The following GOLT1A variants were observed in gnomAD, a reference collection of about 807,000 sequenced individuals.
GOLT1A encodes golgi transport 1A.
Under a neutral mutation model 16.1 loss-of-function variants are expected in GOLT1A, and 10 were observed. That is an observed-to-expected ratio of 0.62 (90% CI 0.38 to 1.05). The LOEUF (loss-of-function observed/expected upper bound fraction) is 1.05, where lower values mean the gene tolerates loss of function less well. GOLT1A is among the 50% of genes least tolerant of loss of function. The probability of loss-of-function intolerance (pLI) is 0.01; values close to 1 mark genes in which losing one functional copy is unlikely to be tolerated. For missense variants in GOLT1A, 137 were observed against 165.7 expected, an observed-to-expected ratio of 0.83 and a Z score of 0.95; for synonymous variants, 60 against 67.9, an observed-to-expected ratio of 0.88 and a Z score of 0.57.
At chr1:204,200,100 A>G (rs1228732310) in intron 3 of GOLT1A, among the ~76,000 whole-genome samples, 1 of 151,594 alleles carries the variant, frequency 6.6e-6, no homozygotes, top group Non-Finnish European at 1.5e-5. Context: ...GTCCCACTCC[A>G]CTTTCTAAGC....
chr1:204,206,556 T>C (rs530474478), intron 1 of GOLT1A, among the ~76,000 whole-genome samples: 2 of 152,368 alleles, frequency 1.3e-5, no homozygotes, highest in Non-Finnish European at 2.9e-5. Context: ...ACCCAAATGA[T>C]AAAAGTGTTT....
intron 1 of GOLT1A, among the ~76,000 whole-genome samples, 168 bp downstream of exon 1, chr1:204,213,714 G>A (rs1659173398): frequency 6.6e-6 from 1 of 152,176 alleles, no homozygotes; most frequent in South Asian, 2.1e-4. Context: ...GGAGGGTAGG[G>A]AGCCACACCC....
chr1:204,208,197 T>A (rs557247128), intron 1 of GOLT1A, among the ~76,000 whole-genome samples: 72 of 152,040 alleles, frequency 4.7e-4, no homozygotes, highest in Admixed American at 9.8e-4. Context: ...ACGGAAAAGA[T>A]ACTTGCACAT....
At chr1:204,213,709 G>T (rs1391246645) in intron 1 of GOLT1A, among the ~76,000 whole-genome samples, 173 bp downstream of exon 1, 2 of 152,180 alleles carry the variant, frequency 1.3e-5, no homozygotes, top group Non-Finnish European at 2.9e-5. Flanking sequence ...CCGCTGGAGG[G>T]TAGGGAGCCA....
chr1:204,203,835 T>G lies in GOLT1A; in HGVS notation c.26-848A>C, dbSNP rs529867775. Among the ~76,000 whole-genome samples, 4 of 151,926 alleles carry G rather than the reference T, an allele frequency of 2.6e-5. No individual in the cohort carries two copies. The South Asian group carries it at 8.4e-4, about 32-fold the overall frequency. On this transcript the variant is annotated intron_variant, in intron 1 of 4. Transcript: ENST00000308302. The stretch of plus-strand genomic sequence containing the variant: ...AGCCCCCATTCCCAAGGTTTGACAG[T>G]AAGCCCCCATTCCCAAGGTTTGTAA...
intron 3 of GOLT1A, among the ~76,000 whole-genome samples, 167 bp downstream of exon 3, chr1:204,201,466 A>T (rs1658960213): frequency 6.6e-6 from 1 of 152,130 alleles, no homozygotes; most frequent in Non-Finnish European, 1.5e-5. Flanking sequence ...GGATGGGCTA[A>T]TCCCTCCAAA....
At chr1:204,212,809 C>T (rs1292654588) in intron 1 of GOLT1A, among the ~76,000 whole-genome samples, 1 of 152,102 alleles carries the variant, frequency 6.6e-6, no homozygotes, top group African/African-American at 2.4e-5. Context: ...AGTGTCCTGA[C>T]CCCTCAGTGA....
At chr1:204,204,952 A>G (rs12091218) in intron 1 of GOLT1A, among the ~76,000 whole-genome samples, 37,763 of 152,152 alleles carry the variant, frequency 0.25, 6,642 homozygotes, top group African/African-American at 0.5. Context: ...CTTGTTAGCT[A>G]TGTGTATATC....
At chr1:204,199,138 G>A (rs559277204) in intron 4 of GOLT1A, 57 bp downstream of exon 4, 3 of 1,444,250 alleles carry the variant, frequency 2.1e-6, no homozygotes, top group East Asian at 2.4e-5. Context: ...TCCCCTCCGT[G>A]TGCTCCCCCT....
At chr1:204,212,234 C>G (rs1659147885) in intron 1 of GOLT1A, among the ~76,000 whole-genome samples, 1 of 152,174 alleles carries the variant, frequency 6.6e-6, no homozygotes, top group African/African-American at 2.4e-5. Flanking sequence ...CACCCTATGT[C>G]CAAACCGTCA....
rs751032089 is a variant in GOLT1A, at chr1:204,202,994, T to C, written c.26-7A>G. ...GTGATCCCCACACCAATCTCTGCAA[T>C]GGGCAAGGAGGTGGTGGAGGAAAGG... is the stretch of plus-strand genomic sequence containing the variant. On this transcript the variant is annotated splice_polypyrimidine_tract_variant and splice_region_variant and intron_variant, in intron 1 of 4. Coordinates refer to ENST00000308302, the MANE Select transcript of GOLT1A (RefSeq NM_198447.2). 3 of 1,612,726 alleles carry C rather than the reference T, an allele frequency of 1.9e-6. No homozygotes were observed. The East Asian group carries it at 6.7e-5, about 36-fold the overall frequency.
At chr1:204,210,266 G>A (rs534647407) in intron 1 of GOLT1A, among the ~76,000 whole-genome samples, 3 of 152,170 alleles carry the variant, frequency 2.0e-5, no homozygotes, top group Non-Finnish European at 4.4e-5. Flanking sequence ...ACACGTTCTT[G>A]ATTTTCTTCC....
At chr1:204,209,167 C>A (rs1322186186) in intron 1 of GOLT1A, among the ~76,000 whole-genome samples, 2 of 152,226 alleles carry the variant, frequency 1.3e-5, no homozygotes, top group African/African-American at 2.4e-5. Context: ...TTCCTCACGA[C>A]TAGCTTCAGG....
chr1:204,203,699 C>G (rs1021468821), intron 1 of GOLT1A, among the ~76,000 whole-genome samples: 1 of 151,876 alleles, frequency 6.6e-6, no homozygotes, highest in African/African-American at 2.4e-5. Context: ...ACCTTGCGGG[C>G]CCCCCACACA....
intron 1 of GOLT1A, among the ~76,000 whole-genome samples, chr1:204,211,378 A>C (rs1400064295): frequency 6.6e-6 from 1 of 152,092 alleles, no homozygotes; most frequent in Non-Finnish European, 1.5e-5. Flanking sequence ...CCATGCTCCA[A>C]CCACACTGTT....
Position 204,199,257 on chromosome 1 carries a change from C to T in GOLT1A, c.298G>A (p.Gly100Ser). 1 of 1,602,408 alleles carries T rather than the reference C, an allele frequency of 6.2e-7. No individual in the cohort carries two copies. Among genetic ancestry groups the T allele is most frequent in the South Asian group, 1.1e-5 (1 of 88,032 alleles). Reference sequence around the variant, plus strand: ...AAGCCGAAGGCGACAGGGAAAAAGCCCCTAGGAGCAGAGGGGAGAAGGGAG... The same window carrying T: ...AAGCCGAAGGCGACAGGGAAAAAGCTCCTAGGAGCAGAGGGGAGAAGGGAG... Reference protein sequence around the residue: ...ETYGFFSLFKGFFPVAFGFLG... With the variant: ...ETYGFFSLFKSFFPVAFGFLG... The change falls in exon 4 of 5, where the codon GGC (glycine) becomes AGC (serine). Residue 100 changes from glycine (G) to serine (S), a missense_variant and splice_region_variant. By Grantham distance (56) the Gly-to-Ser change is moderately conservative. Coordinates refer to ENST00000308302, the MANE Select transcript of GOLT1A (RefSeq NM_198447.2).
intron 1 of GOLT1A, among the ~76,000 whole-genome samples, chr1:204,203,695 C>T (rs1418925256): frequency 5.1e-4 from 77 of 152,208 alleles, no homozygotes; most frequent in Admixed American, 5.0e-3. Context: ...AGGCACCTTG[C>T]GGGCCCCCCA....
chr1:204,201,556 G>A, intron 3 of GOLT1A, 77 bp downstream of exon 3: 4 of 1,434,028 alleles, frequency 2.8e-6, no homozygotes, highest in Non-Finnish European at 3.8e-6. Flanking sequence ...CCCAGCTTCT[G>A]CACTCCCTGC....
chr1:204,212,841 T>C (rs891046252), intron 1 of GOLT1A, among the ~76,000 whole-genome samples: 12 of 152,104 alleles, frequency 7.9e-5, no homozygotes. Context: ...TAAACTCCTA[T>C]GATTCTCCCC....
Sources: allele counts gnomAD v4.1 joint callset (sites outside exome capture counted in the v4.1 genomes callset), GRCh38; gene constraint gnomAD v4.1.1; transcripts MANE v1.5; gene names NCBI Gene and HGNC (gene_info 2026-07-23, HGNC 2026-07-21).